The following ZNF14 variants were observed in gnomAD, a reference collection of about 807,000 sequenced individuals.
The protein encoded by ZNF14 is zinc finger protein 14.
In ZNF14, 9 loss-of-function variants were observed where a neutral mutation model predicts 11.3. That is an observed-to-expected ratio of 0.80 (90% CI 0.48 to 1.39). The LOEUF is 1.39. ZNF14 is among the 40% of genes most tolerant of loss of function. ZNF14 has a pLI of 0.00. For missense variants in ZNF14, 711 were observed against 763.9 expected, an observed-to-expected ratio of 0.93 and a Z score of 0.82; for synonymous variants, 239 against 245.7, an observed-to-expected ratio of 0.97 and a Z score of 0.25.
rs373595868 is a variant in ZNF14, at chr19:19,714,059, C to A, written c.191+32G>T. 2.0e-4 allele frequency: 326 copies of A among 1,598,852 alleles called. 3 individuals are homozygous for A. The East Asian group carries it at 5.4e-3, about 26-fold the overall frequency. On this transcript the variant is annotated intron_variant, in intron 3 of 3. Coordinates refer to ENST00000344099, the MANE Select transcript of ZNF14 (RefSeq NM_021030.3). The stretch of plus-strand genomic sequence containing the variant: ...CTTGCTTTCTTTTGAAATTCCCCCA[C>A]GGGCCACTATTTTTCTGTGGATGCA...
intron 1 of ZNF14, among the ~76,000 whole-genome samples, chr19:19,721,449 A>T (rs2145100058): frequency 6.6e-6 from 1 of 152,220 alleles, no homozygotes; most frequent in South Asian, 2.1e-4. Flanking sequence ...ATTATGCAAA[A>T]TCTCCAACTT....
chr19:19,733,065 A>T lies in ZNF14; in HGVS notation c.-107T>A. ...AGAGCCACCTTCGGCCTTCAGGAGC[A>T]GGTGAAACGCAATCTTCCCATGGGC... On this transcript the variant is annotated 5_prime_UTR_variant, in exon 1 of 4. Transcript: ENST00000344099. The T allele has an allele frequency of 3.5e-6, 5 of 1,431,820 alleles. No individual in the cohort carries two copies. Among genetic ancestry groups the T allele is most frequent in the Non-Finnish European group, 4.8e-6 (5 of 1,044,664 alleles). 88.7% of individuals were successfully genotyped at this position (1,431,820 alleles called of 1,614,324 possible). A position where few individuals can be genotyped will look rare whatever the true frequency, so the allele number is the denominator to read the frequency against.
rs1430009179 is a variant in ZNF14 at position 19,720,637 on chromosome 19, C to T, written c.4-6150G>A. On this transcript the variant is annotated intron_variant, in intron 1 of 3. Transcript: ENST00000344099. This position sits in a 1 kb window ranked among gnomAD's most constrained non-coding sequence, Gnocchi z 4.1. ...GGATTACAGGCATGAGCCACCATGC[C>T]CTGCCAGGAAATTGGGCAGCTCAAT... Among the ~76,000 whole-genome samples the T allele has an allele frequency of 6.6e-6, 1 of 152,068 alleles. No homozygotes were observed. Among genetic ancestry groups the T allele is most frequent in the Admixed American group, 6.5e-5 (1 of 15,270 alleles).
Position 19,711,650 on chromosome 19 carries a change from C to T in ZNF14, c.1631G>A (p.Ser544Asn). The T allele has an allele frequency of 1.2e-6, 2 of 1,614,042 alleles. No individual in the cohort carries two copies. The highest frequency in any genetic ancestry group is 8.5e-7 in the Non-Finnish European group (1 of 1,180,012). The change falls in exon 4 of 4, where the codon AGT becomes AAT. Residue 544 changes from serine (S) to asparagine (N), a missense_variant. Ser to Asn is a conservative substitution (Grantham distance 46). Transcript: ENST00000344099. Reference sequence around the variant, plus strand: ...AGTCCTTTCATGCAATCGAATTTGACTGGAACGAAGGAAGGCCTTACCACA... The same window carrying T: ...AGTCCTTTCATGCAATCGAATTTGATTGGAACGAAGGAAGGCCTTACCACA... ...KQCGKAFLRS[S>N]QIRLHERTHT... is the part of the protein sequence containing the mutation.
chr19:19,723,872 G>C (rs1465517253), intron 1 of ZNF14, among the ~76,000 whole-genome samples: 1 of 133,942 alleles, frequency 7.5e-6, no homozygotes, highest in Non-Finnish European at 1.7e-5. Flanking sequence ...TTTGCGTAGA[G>C]GTGTTTATAC....
At chr19:19,724,166 G>T (rs1272429140) in intron 1 of ZNF14, among the ~76,000 whole-genome samples, 1 of 131,898 alleles carries the variant, frequency 7.6e-6, no homozygotes, top group Non-Finnish European at 1.7e-5. Flanking sequence ...TCTTTTAATT[G>T]TGATGTTAGG....
rs1599472721 is a variant in ZNF14 at position 19,728,798 on chromosome 19, T to C, written c.3+4158A>G. Among the ~76,000 whole-genome samples the C allele has an allele frequency of 2.3e-5, 2 of 86,942 alleles. 1 individual carries two copies. The allele number at this position is 86,942 out of a possible 152,430, so 57.0% of individuals were successfully genotyped here. On this transcript the variant is annotated intron_variant, in intron 1 of 3. Transcript: ENST00000344099. ...ATACCCATTGGACTGTGATATATAA[T>C]AGAAGAGGATAAGACATACTATAAT...
rs1239749299 is a variant in ZNF14 at position 19,711,383 on chromosome 19, T to C, written c.1898A>G (p.His633Arg). The part of the protein sequence containing the change: ...AFISSSHFRL[H>R]ERTHMGEKV ...TTTCTCTCCCATATGAGTCCTTTCA[T>C]GCAGTCGAAAGTGACTGGAAGAAAT... The change falls in exon 4 of 4, where the codon CAT becomes CGT. Residue 633 changes from histidine (H) to arginine (R), a missense_variant. Physicochemically the swap from His to Arg is conservative, Grantham distance 29. Transcript: ENST00000344099. 3 of 1,576,004 alleles carry C rather than the reference T, an allele frequency of 1.9e-6. No homozygotes were observed. The highest frequency in any genetic ancestry group is 2.6e-6 in the Non-Finnish European group (3 of 1,164,532).
At chr19:19,715,650 T>C (rs774721119) in intron 1 of ZNF14, among the ~76,000 whole-genome samples, 38 of 152,360 alleles carry the variant, frequency 2.5e-4, no homozygotes, top group Non-Finnish European at 4.9e-4. Flanking sequence ...TTAGTGACCT[T>C]GCAGCTGCAC....
intron 1 of ZNF14, among the ~76,000 whole-genome samples, chr19:19,717,085 AC>A (rs767210257): frequency 1.1e-4 from 17 of 152,136 alleles, no homozygotes; most frequent in Non-Finnish European, 2.2e-4. Flanking sequence ...GTCAGACTCC[AC>A]AGGTTAAGGA....
chr19:19,714,151 C>T lies in ZNF14; in HGVS notation c.131G>A (p.Gly44Glu), dbSNP rs760161139. 21 of 1,612,106 alleles carry T rather than the reference C, an allele frequency of 1.3e-5. No homozygotes were observed. The highest frequency in any genetic ancestry group is 1.6e-4 in the Middle Eastern group (1 of 6,078). Residue 44 changes from glycine (G) to glutamate (E), a missense_variant and splice_region_variant, in exon 3 of 4, where the codon GGA becomes GAA. Transcript: ENST00000344099. ...AATGTCCTGGTCTTCCCACTTTTTT[C>T]CTAAAATGCATACCCAGAAAGACCA... ...QETFKNLVCL[G>E]KKWEDQDIED... is the part of the protein sequence containing the mutation.
chr19:19,731,954 G>A (rs1473094017), intron 1 of ZNF14, among the ~76,000 whole-genome samples: 1 of 152,102 alleles, frequency 6.6e-6, no homozygotes, highest in African/African-American at 2.4e-5. Context: ...TGTAGTCCCA[G>A]CTACTGGGAA....
At chr19:19,723,692 G>C (rs561551056) in intron 1 of ZNF14, among the ~76,000 whole-genome samples, 1 of 132,732 alleles carries the variant, frequency 7.5e-6, no homozygotes, top group South Asian at 2.5e-4. Flanking sequence ...GGTAGAATCT[G>C]GCTGTGAATC....
intron 1 of ZNF14, among the ~76,000 whole-genome samples, chr19:19,723,990 T>G (rs2062400246): frequency 7.5e-6 from 1 of 133,672 alleles, no homozygotes; most frequent in Non-Finnish European, 1.7e-5. Flanking sequence ...TTATTAGTCT[T>G]GCTAGCAGTC....
intron 1 of ZNF14, among the ~76,000 whole-genome samples, chr19:19,732,320 T>A (rs2062426415): frequency 6.6e-6 from 1 of 151,888 alleles, no homozygotes; most frequent in Admixed American, 6.6e-5. Context: ...GAATTAAGGG[T>A]GGCTAGAATT....
At position 19,731,997 on chromosome 19, in the gene ZNF14, G is replaced by A. The variant is rs565492603; in HGVS notation, c.3+959C>T. Among the ~76,000 whole-genome samples, 10 of 152,076 alleles carry A rather than the reference G, an allele frequency of 6.6e-5. No homozygotes were observed. The South Asian group carries it at 1.5e-3, about 22-fold the overall frequency. ...GCAGAATGGCTTGAACCTGGGAGGC[G>A]GAGCTTGCAGTGAGCTGGAGATCGC... On this transcript the variant is annotated intron_variant, in intron 1 of 3. Coordinates refer to ENST00000344099, the MANE Select transcript of ZNF14 (RefSeq NM_021030.3).
intron 1 of ZNF14, among the ~76,000 whole-genome samples, chr19:19,729,084 C>A (rs1271569384): frequency 1.3e-5 from 2 of 152,176 alleles, no homozygotes; most frequent in African/African-American, 2.4e-5. Context: ...TCAAGCGATT[C>A]TCCTGCCTCA....
At position 19,720,523 on chromosome 19, in the gene ZNF14, AG is replaced by A. The variant is rs1467284860; in HGVS notation, c.4-6037del. On this transcript the variant is annotated intron_variant, in intron 1 of 3. Transcript: ENST00000344099. This position sits in a 1 kb window ranked among gnomAD's most constrained non-coding sequence, Gnocchi z 4.1. ...GCCTGGCTAATTTTTTTGTATTTTT[AG>A]TAGAGACGGGGTTTCGCCATGTTGG... Among the ~76,000 whole-genome samples the A allele has an allele frequency of 6.6e-6, 1 of 151,892 alleles. No homozygotes were observed. The highest frequency in any genetic ancestry group is 1.9e-4 in the East Asian group (1 of 5,160).
In ZNF14 at chr19:19,711,507, A is replaced by G. The variant is rs773837707; in HGVS notation, c.1774T>C (p.Cys592Arg). ...CTTGAAAATCTGAAGGCTTTCCCAC[A>G]TTGTTTACATCGATAGGGTTTCTCT... ...TGEKPYRCKQ[C>R]GKAFRFSSSV... Residue 592 changes from cysteine (C) to arginine (R), a missense_variant, in exon 4 of 4, where the codon TGT (cysteine) becomes CGT (arginine). By Grantham distance (180) the Cys-to-Arg change is radical (BLOSUM62 -3). Coordinates refer to ENST00000344099, the MANE Select transcript of ZNF14 (RefSeq NM_021030.3). 3.1e-6 allele frequency: 5 copies of G among 1,613,828 alleles called. No homozygotes were observed. The highest frequency in any genetic ancestry group is 3.4e-6 in the Non-Finnish European group (4 of 1,179,940).
Sources: gnomAD v4.1 joint callset for allele counts (sites outside exome capture counted in the v4.1 genomes callset) on GRCh38, gnomAD v4.1.1 for gene constraint, Gnocchi (gnomAD v3.1) non-coding constraint, MANE v1.5 for transcripts, NCBI Gene and HGNC (gene_info 2026-07-23, HGNC 2026-07-21) for gene names.